Variants in ANXA2 observed in about 807,000 individuals in gnomAD.
ANXA2 encodes the protein annexin II.
Under a neutral mutation model 47.3 loss-of-function variants are expected in ANXA2, and 28 were observed. The ratio of observed to expected loss-of-function variants is 0.59; its 90% CI spans 0.44 to 0.81. The LOEUF is 0.81. Ranked by LOEUF, ANXA2 falls within the 40% of genes least tolerant of loss-of-function variation. ANXA2 has a pLI of 0.00. For missense variants in ANXA2, 384 were observed against 414.3 expected, an observed-to-expected ratio of 0.93 and a Z score of 0.64; for synonymous variants, 172 against 155.5, an observed-to-expected ratio of 1.11 and a Z score of -0.79.
At position 60,356,003 on chromosome 15, in the gene ANXA2, G is replaced by C; in HGVS notation, c.449-5C>G. ...TCTCCAGATCAGTCTTGTACACTTGGAGGAAAATACATCTGGTTTTATGCT... is the reference window on the plus strand; with the variant it reads ...TCTCCAGATCAGTCTTGTACACTTGCAGGAAAATACATCTGGTTTTATGCT... On this transcript the variant is annotated splice_polypyrimidine_tract_variant and splice_region_variant and intron_variant, in intron 6 of 12. Transcript: ENST00000451270. 2 of 1,611,444 alleles carry C rather than the reference G, an allele frequency of 1.2e-6. No individual in the cohort carries two copies. The highest frequency in any genetic ancestry group is 8.5e-7 in the Non-Finnish European group (1 of 1,177,738).
At chr15:60,358,487 G>T (rs567052234) in intron 5 of ANXA2, among the ~76,000 whole-genome samples, 4 of 152,224 alleles carry the variant, frequency 2.6e-5, no homozygotes, top group Non-Finnish European at 4.4e-5. Flanking sequence ...TTACCCACAT[G>T]AAAAGCGTGT....
At chr15:60,380,121 T>G (rs1318483833) in intron 3 of ANXA2, among the ~76,000 whole-genome samples, 1 of 152,198 alleles carries the variant, frequency 6.6e-6, no homozygotes, top group Non-Finnish European at 1.5e-5. Context: ...GCAAACCACA[T>G]GGATGTGTAT....
At chr15:60,377,457 C>T (rs761761990) in intron 3 of ANXA2, among the ~76,000 whole-genome samples, 3 of 152,132 alleles carry the variant, frequency 2.0e-5, no homozygotes, top group African/African-American at 4.8e-5. Flanking sequence ...CATATACAGG[C>T]ATACCTCGGA....
chr15:60,347,929 G>C (rs780924257), intron 12 of ANXA2, among the ~76,000 whole-genome samples: 2 of 152,212 alleles, frequency 1.3e-5, no homozygotes, highest in Non-Finnish European at 2.9e-5. Flanking sequence ...TTAGGACTGT[G>C]GGGTGGAGGG....
At chr15:60,366,371 TC>T (rs1318363872) in intron 3 of ANXA2, among the ~76,000 whole-genome samples, 33 of 143,132 alleles carry the variant, frequency 2.3e-4, no homozygotes, top group Non-Finnish European at 1.1e-4. Context: ...GAGCGCCTCT[TC>T]CCCGCCGCCA....
intron 1 of ANXA2, chr15:60,393,217 T>C: frequency 8.9e-7 from 1 of 1,127,296 alleles, no homozygotes; most frequent in Non-Finnish European, 1.1e-6. Context: ...TCTGAATCAA[T>C]ATTTGTTTGC....
intron 1 of ANXA2, among the ~76,000 whole-genome samples, chr15:60,387,435 A>T (rs1156427991): frequency 1.3e-5 from 2 of 152,248 alleles, no homozygotes; most frequent in Non-Finnish European, 2.9e-5. Flanking sequence ...ACTGTGGTAC[A>T]TTCAGACATG....
At chr15:60,384,557 C>T (rs1040169505) in intron 2 of ANXA2, 7 of 152,226 alleles carry the variant, frequency 4.6e-5, no homozygotes, top group African/African-American at 1.7e-4. Flanking sequence ...AAAAAGCCCT[C>T]TTATAAAACC....
chr15:60,387,282 G>A (rs898806451), intron 1 of ANXA2, among the ~76,000 whole-genome samples: 5 of 152,194 alleles, frequency 3.3e-5, no homozygotes, highest in Non-Finnish European at 7.3e-5. Flanking sequence ...GATGCTCACA[G>A]AAGCTTTTTA....
intron 3 of ANXA2, among the ~76,000 whole-genome samples, chr15:60,378,795 GTC>G (rs1321164261): frequency 6.6e-6 from 1 of 151,826 alleles, no homozygotes; most frequent in Non-Finnish European, 1.5e-5. Context: ...GCAAAACCCC[GTC>G]TCTACTAAAA....
At chr15:60,366,806 G>GC (rs2062619151) in intron 3 of ANXA2, among the ~76,000 whole-genome samples, 1 of 110,480 alleles carries the variant, frequency 9.1e-6, no homozygotes, top group Non-Finnish European at 2.0e-5. Flanking sequence ...GGGAGGCGGG[G>GC]GGGGGGGGGG....
chr15:60,371,811 C>T lies in ANXA2; in HGVS notation c.149-7288G>A, dbSNP rs115916171. 9.8e-3 allele frequency among the ~76,000 whole-genome samples: 1,497 copies of T among 152,264 alleles called. 17 individuals carry two copies. The highest frequency in any genetic ancestry group is 0.033 in the African/African-American group (1,360 of 41,542). On this transcript the variant is annotated intron_variant, in intron 3 of 12. Transcript: ENST00000451270. The stretch of plus-strand genomic sequence containing the variant: ...ATGCCACAAAGAGAGGACAATGCCA[C>T]AGAGTTATGGGTGTGTACACGTGGA...
chr15:60,386,039 A>T lies in ANXA2; in HGVS notation c.37T>A (p.Leu13Met). Reference protein sequence around the residue: ...TVHEILCKLSLEGDHSTPPSA... With the variant: ...TVHEILCKLSMEGDHSTPPSA... ...AGTGATATACTTACATCACCCTCCA[A>T]GCTGAGCTTGCACAGGATTTCGTGA... The change falls in exon 2 of 13, where the codon TTG (leucine) becomes ATG (methionine). Residue 13 changes from leucine (L) to methionine (M), a missense_variant. Leu to Met is a conservative substitution (Grantham distance 15). Transcript: ENST00000451270. The T allele has an allele frequency of 6.2e-7, 1 of 1,612,456 alleles. No homozygotes were observed. The highest frequency in any genetic ancestry group is 8.5e-7 in the Non-Finnish European group (1 of 1,179,240).
intron 11 of ANXA2, 37 bp downstream of exon 11, chr15:60,351,156 G>C (rs1231992256): frequency 2.5e-6 from 4 of 1,607,980 alleles, no homozygotes; most frequent in Admixed American, 1.7e-5. Flanking sequence ...GAAAAGCTGA[G>C]TGTGGAAACA....
At chr15:60,371,986 C>T (rs1157222676) in intron 3 of ANXA2, among the ~76,000 whole-genome samples, 1 of 152,066 alleles carries the variant, frequency 6.6e-6, no homozygotes, top group East Asian at 1.9e-4. Context: ...CCCATCTCTA[C>T]TAAAAATACA....
intron 4 of ANXA2, 90 bp downstream of exon 4, chr15:60,364,339 T>G: frequency 9.8e-7 from 1 of 1,019,404 alleles, no homozygotes; most frequent in Non-Finnish European, 1.5e-6. Flanking sequence ...CTTTTGCGCA[T>G]GAGAGCCACA....
At chr15:60,368,795 T>C (rs2062674415) in intron 3 of ANXA2, among the ~76,000 whole-genome samples, 1 of 152,180 alleles carries the variant, frequency 6.6e-6, no homozygotes. Context: ...CAGGCAGTCA[T>C]TGCTCCAGAA....
At chr15:60,382,063 AG>A (rs2062868682) in intron 3 of ANXA2, among the ~76,000 whole-genome samples, 1 of 40,510 alleles carries the variant, frequency 2.5e-5, no homozygotes, top group Non-Finnish European at 4.7e-5. Context: ...GGAGGGAGGG[AG>A]GGAGGGAGGA....
At chr15:60,351,970 C>A (rs941623698) in intron 9 of ANXA2, 151 bp from the exon 10 acceptor site, 1 of 636,984 alleles carries the variant, frequency 1.6e-6, no homozygotes. Flanking sequence ...GTGACCAGAG[C>A]CAACATTGGC....
Sources: gnomAD v4.1 joint callset for allele counts (sites outside exome capture counted in the v4.1 genomes callset) on GRCh38, gnomAD v4.1.1 for gene constraint, MANE v1.5 for transcripts, NCBI Gene and HGNC (gene_info 2026-07-23, HGNC 2026-07-21) for gene names.